The following PCDH7 variants were observed in gnomAD, a reference collection of about 807,000 sequenced individuals.
The protein encoded by PCDH7 is protocadherin-7.
PCDH7 carries 17 observed loss-of-function variants against 58.9 expected under a neutral mutation model. The observed-to-expected ratio is 0.29, with a 90% CI of 0.20 to 0.43. The LOEUF (loss-of-function observed/expected upper bound fraction) is 0.43, where lower values mean the gene tolerates loss of function less well. Among genes scored for constraint, PCDH7 ranks in the 20% least tolerant of loss-of-function variants. The pLI is 1.00. For missense variants in PCDH7, 1,274 were observed against 1,441.0 expected, an observed-to-expected ratio of 0.88 and a Z score of 1.88; for synonymous variants, 664 against 616.4, an observed-to-expected ratio of 1.08 and a Z score of -1.14.
Position 30,721,885 on chromosome 4 carries a change from A to G in PCDH7, c.463A>G (p.Asn155Asp). 6.3e-7 allele frequency: 1 copy of G among 1,596,720 alleles called. No individual in the cohort carries two copies. Among genetic ancestry groups the G allele is most frequent in the Middle Eastern group, 1.7e-4 (1 of 6,044 alleles). The change falls in exon 1 of 2, where the codon AAT becomes GAT. Residue 155 changes from asparagine to aspartate, a missense_variant. Asn to Asp is a conservative substitution (Grantham distance 23). This residue lies in a region of PCDH7 where 212 missense variants were observed against 255.8 expected (regional missense o/e 0.83). Coordinates refer to ENST00000361762, the Ensembl canonical transcript of PCDH7. The surrounding 1 kb of genome is among the most constrained non-coding windows in gnomAD (Gnocchi z 6.7). ...CGTGCTCACGCTCACGGTGGAGGAG[A>G]ATCGGCCGGTGGGCACACTTTACCT...
rs771424016 is a variant in PCDH7 at position 30,723,037 on chromosome 4, G to A, written c.1615G>A (p.Val539Met). 8 of 1,613,804 alleles carry A rather than the reference G, an allele frequency of 5.0e-6. No homozygotes were observed. The highest frequency in any genetic ancestry group is 1.7e-5 in the Admixed American group (1 of 60,006). Reference sequence around the variant, plus strand: ...CAACCCGCCCATGTTCGGCCAGTCGGTGGTGGAGGTTTACTTCCCTGAGAA... The same window carrying A: ...CAACCCGCCCATGTTCGGCCAGTCGATGGTGGAGGTTTACTTCCCTGAGAA... The change falls in exon 1 of 2, where the codon GTG becomes ATG. Residue 539 changes from valine to methionine, a missense_variant. This residue lies in a region of PCDH7 where 731 missense variants were observed against 881.9 expected (regional missense o/e 0.83). Coordinates refer to ENST00000361762, the Ensembl canonical transcript of PCDH7. This position sits in a 1 kb window ranked among gnomAD's most constrained non-coding sequence, Gnocchi z 4.6.
At chr4:30,919,105 G>C (rs1742846890) in intron 1 of PCDH7, among the ~76,000 whole-genome samples, 1 of 152,094 alleles carries the variant, frequency 6.6e-6, no homozygotes. Context: ...GAAACAGTCT[G>C]AGTTATAAGT....
downstream of PCDH7, chr4:31,143,992 A>G (rs1267776694): frequency 6.6e-6 from 1 of 152,218 alleles, no homozygotes; most frequent in African/African-American, 2.4e-5. Context: ...TTTATGGATC[A>G]TGGGTAGGTT....
chr4:30,942,222 T>G (rs2109437442), intron 2 of PCDH7, among the ~76,000 whole-genome samples: 1 of 152,084 alleles, frequency 6.6e-6, no homozygotes, highest in Admixed American at 6.6e-5. Flanking sequence ...TTATTACACA[T>G]GCTTTAATAT....
At chr4:31,066,511 G>T (rs1051166093) in intron 3 of PCDH7, among the ~76,000 whole-genome samples, 3 of 151,822 alleles carry the variant, frequency 2.0e-5, no homozygotes, top group Non-Finnish European at 4.4e-5. Flanking sequence ...TTTAGTTTGG[G>T]TGTTATAATT....
chr4:30,858,316 A>G (rs2109352113), intron 1 of PCDH7, among the ~76,000 whole-genome samples: 1 of 152,232 alleles, frequency 6.6e-6, no homozygotes, highest in East Asian at 1.9e-4. Context: ...TGTTGAGACA[A>G]CCATGTTGTT....
chr4:30,859,573 G>T (rs896955955), intron 1 of PCDH7, among the ~76,000 whole-genome samples: 1 of 151,696 alleles, frequency 6.6e-6, no homozygotes, highest in Admixed American at 6.6e-5. Context: ...CCGAGTAGCT[G>T]GGATTACAGG....
intron 3 of PCDH7, among the ~76,000 whole-genome samples, chr4:31,021,410 A>G (rs1182079579): frequency 6.6e-6 from 1 of 152,214 alleles, no homozygotes; most frequent in Non-Finnish European, 1.5e-5. Context: ...AAAGAAACTA[A>G]TCAAATGAAA....
Position 30,854,282 on chromosome 4 carries a change from T to TA in PCDH7, c.71-65871_71-65870insA, listed in dbSNP as rs1340400267. 2.0e-5 allele frequency among the ~76,000 whole-genome samples: 3 copies of TA among 148,522 alleles called. No individual in the cohort carries two copies. In the East Asian group the frequency reaches 5.9e-4, roughly 29 times the overall value. The stretch of plus-strand genomic sequence containing the variant: ...GTGCATTGTGGGACGTTTAACTGCA[T>TA]CCCTGGCCCTACATACTAGATGCCA... On this transcript the variant is annotated intron_variant, in intron 1 of 3. Transcript: ENST00000509759.
intron 1 of PCDH7, among the ~76,000 whole-genome samples, chr4:30,851,977 T>C (rs1000842753): frequency 6.6e-6 from 1 of 152,108 alleles, no homozygotes; most frequent in Non-Finnish European, 1.5e-5. Flanking sequence ...AAGATAACGC[T>C]AGCTATAACT....
intron 1 of PCDH7, among the ~76,000 whole-genome samples, chr4:30,860,827 G>A (rs951080623): frequency 6.6e-6 from 1 of 152,066 alleles, no homozygotes; most frequent in African/African-American, 2.4e-5. Flanking sequence ...TGGTAATTGG[G>A]TTTAAGGCTC....
chr4:30,968,417 G>GATATATATATATATATAT (rs1560541749), intron 3 of PCDH7, among the ~76,000 whole-genome samples: 1 of 20,924 alleles, frequency 4.8e-5, no homozygotes, highest in African/African-American at 1.4e-4. Flanking sequence ...TATATATATG[G>GATATATATATATATATAT]GATATTATGT....
intron 1 of PCDH7, among the ~76,000 whole-genome samples, chr4:30,750,986 G>A (rs984964401): frequency 1.3e-5 from 2 of 149,946 alleles, no homozygotes; most frequent in African/African-American, 2.4e-5. Flanking sequence ...GGAAAAAAAC[G>A]CAAGACTAAA....
chr4:31,131,183 C>T (rs1012573534), intron 3 of PCDH7, among the ~76,000 whole-genome samples: 25 of 152,206 alleles, frequency 1.6e-4, no homozygotes, highest in Admixed American at 2.0e-4. Context: ...CTTGCTTCTC[C>T]GTGCATCACA....
chr4:31,081,068 A>G (rs1759458207), intron 3 of PCDH7, among the ~76,000 whole-genome samples: 1 of 152,172 alleles, frequency 6.6e-6, no homozygotes, highest in Non-Finnish European at 1.5e-5. Flanking sequence ...TAACCTACCC[A>G]GTCCTGGGTG....
At chr4:30,802,981 T>A (rs1725723601) in intron 1 of PCDH7, among the ~76,000 whole-genome samples, 1 of 151,732 alleles carries the variant, frequency 6.6e-6, no homozygotes, top group Admixed American at 6.6e-5. Context: ...CGAGAGAAGG[T>A]TAAAGAAGGG....
intron 3 of PCDH7, among the ~76,000 whole-genome samples, chr4:31,136,919 T>C: frequency 6.6e-6 from 1 of 152,196 alleles, no homozygotes; most frequent in Admixed American, 6.5e-5. Flanking sequence ...AATTATTTTT[T>C]TCTCAGCCCT....
intron 1 of PCDH7, among the ~76,000 whole-genome samples, chr4:30,863,119 T>C (rs1418538844): frequency 1.3e-5 from 2 of 152,146 alleles, no homozygotes; most frequent in Non-Finnish European, 2.9e-5. Flanking sequence ...GGGATCAGAG[T>C]ACCACTAAGG....
chr4:30,998,029 G>A (rs1433797158), intron 3 of PCDH7, among the ~76,000 whole-genome samples: 2 of 152,112 alleles, frequency 1.3e-5, no homozygotes, highest in African/African-American at 4.8e-5. Flanking sequence ...GGGAATCAAA[G>A]TAAGAAGTTA....
Sources: gnomAD v4.1 joint callset for allele counts (sites outside exome capture counted in the v4.1 genomes callset) on GRCh38, gnomAD v4.1.1 for gene constraint, gnomAD v4.1.1 regional missense constraint, Gnocchi (gnomAD v3.1) non-coding constraint, MANE v1.5 for transcripts, NCBI Gene and HGNC (gene_info 2026-07-23, HGNC 2026-07-21) for gene names.